CECR2: variants seen among roughly 807,000 people sequenced by gnomAD.
CECR2 encodes chromatin remodeling regulator CECR2.
A neutral mutation model predicts 154.5 loss-of-function variants in CECR2; 30 were observed. The ratio of observed to expected loss-of-function variants is 0.19; its 90% confidence interval spans 0.15 to 0.26. CECR2 has a LOEUF of 0.26. Among genes scored for constraint, CECR2 ranks in the 10% least tolerant of loss-of-function variants. CECR2 has a pLI of 1.00. For missense variants in CECR2, 1,743 were observed against 1,829.3 expected, an observed-to-expected ratio of 0.95 and a Z score of 0.86; for synonymous variants, 725 against 683.7, an observed-to-expected ratio of 1.06 and a Z score of -0.94.
intron 9 of CECR2, among the ~76,000 whole-genome samples, chr22:17,527,044 G>C (rs1299561506): frequency 6.6e-6 from 1 of 152,192 alleles, no homozygotes; most frequent in Non-Finnish European, 1.5e-5. Context: ...CTGCCCAGTT[G>C]ACAAAGGATG....
At chr22:17,519,843 T>C (rs1013756678) in intron 8 of CECR2, among the ~76,000 whole-genome samples, 4 of 150,482 alleles carry the variant, frequency 2.7e-5, no homozygotes, top group African/African-American at 9.8e-5. Flanking sequence ...CAGGCTGGAG[T>C]GCAGTGGCAC....
In CECR2 at chr22:17,544,460, T is replaced by G. The variant is rs1384142118; in HGVS notation, c.2860+1457T>G. ...TTGCAGTGAGCCGAGATTGTGCCAC[T>G]GCACTCCGGCCTGGGCGACAGAGCG... On this transcript the variant is annotated intron_variant, in intron 16 of 18. Coordinates refer to ENST00000262608, the MANE Select transcript of CECR2 (RefSeq NM_001290047.2). Among the ~76,000 whole-genome samples, 3 of 135,596 alleles carry G rather than the reference T, an allele frequency of 2.2e-5. No individual in the cohort carries two copies. In the East Asian group the frequency reaches 6.3e-4, roughly 29 times the overall value. The allele number at this position is 135,596 out of a possible 152,430, so 89.0% of individuals were successfully genotyped here. A position where few individuals can be genotyped will look rare whatever the true frequency, so the allele number is the denominator to read the frequency against.
chr22:17,523,493 A>C (rs1173521888), intron 8 of CECR2, among the ~76,000 whole-genome samples: 1 of 151,882 alleles, frequency 6.6e-6, no homozygotes, highest in East Asian at 1.9e-4. Context: ...ACGGTGGCTC[A>C]CACCTATAAT....
intron 1 of CECR2, among the ~76,000 whole-genome samples, chr22:17,449,459 C>T (rs989988705): frequency 6.6e-6 from 1 of 150,480 alleles, no homozygotes; most frequent in African/African-American, 2.4e-5. Flanking sequence ...TTTTCAGCTC[C>T]GCACATCTAA....
rs2054163944 is a variant in CECR2, at chr22:17,416,919, A to C, written c.126+47010A>C. ...AAGCACCATTGGATACCAAATGTGCACATTTATGATTATTTCCATATAGTA... is the reference window on the plus strand; with the variant it reads ...AAGCACCATTGGATACCAAATGTGCCCATTTATGATTATTTCCATATAGTA... On this transcript the variant is annotated intron_variant, in intron 1 of 18. Transcript: ENST00000262608. Among the ~76,000 whole-genome samples the C allele has an allele frequency of 2.0e-5, 3 of 152,326 alleles. No individual in the cohort carries two copies. The South Asian group carries it at 6.2e-4, about 32-fold the overall frequency.
Position 17,524,165 on chromosome 22 carries a change from G to A in CECR2, c.1002G>A (p.Glu334=). 6.2e-7 allele frequency: 1 copy of A among 1,604,668 alleles called. No homozygotes were observed. The highest frequency in any genetic ancestry group is 8.5e-7 in the Non-Finnish European group (1 of 1,175,624). ...TAGAAAAACAAAAGCGCAAAGAGGA[G>A]GAAGAAGAGCGTCAGATTCTTCTAG... ...TRIEKQKRKE[E]EEERQILLAV... is the part of the protein sequence containing the mutation. Residue 334 remains glutamate (E), a synonymous_variant, in exon 9 of 19, where the codon GAG becomes GAA. Coordinates refer to ENST00000262608, the MANE Select transcript of CECR2 (RefSeq NM_001290047.2).
Position 17,542,967 on chromosome 22 carries a change from G to A in CECR2, c.2824G>A (p.Glu942Lys), listed in dbSNP as rs1212118850. The A allele has an allele frequency of 8.7e-6, 14 of 1,612,728 alleles. No homozygotes were observed. The highest frequency in any genetic ancestry group is 1.2e-5 in the Non-Finnish European group (14 of 1,179,174). The change falls in exon 16 of 19, where the codon GAG (glutamate) becomes AAG (lysine). Residue 942 changes from glutamate to lysine, a missense_variant. Coordinates refer to ENST00000262608, the MANE Select transcript of CECR2 (RefSeq NM_001290047.2). Reference protein sequence around the residue: ...PALGNPGRAPENSEAQEPEND... With the variant: ...PALGNPGRAPKNSEAQEPEND... ...CCTGGGCAACCCTGGGAGGGCACCG[G>A]AGAACAGTGAAGCACAAGAGCCTGA...
intron 1 of CECR2, among the ~76,000 whole-genome samples, chr22:17,447,571 G>A (rs2054694032): frequency 6.7e-6 from 1 of 150,166 alleles, no homozygotes; most frequent in Admixed American, 6.7e-5. Flanking sequence ...TTCATAAATA[G>A]TAATTAATAA....
At chr22:17,367,863 A>G (rs1193828678), upstream of CECR2, among the ~76,000 whole-genome samples, 2 of 152,174 alleles carry the variant, frequency 1.3e-5, no homozygotes, top group Non-Finnish European at 2.9e-5. Flanking sequence ...ACCAACACAC[A>G]CAAACGTAGG....
At chr22:17,433,794 A>G (rs537238292) in intron 1 of CECR2, among the ~76,000 whole-genome samples, 243 of 152,168 alleles carry the variant, frequency 1.6e-3, no homozygotes, top group Non-Finnish European at 3.0e-3. Context: ...AGTTGAATGC[A>G]TTATCAAGGA....
In CECR2 at chr22:17,414,130, G is replaced by A. The variant is rs547996473; in HGVS notation, c.126+44221G>A. Reference sequence around the variant, plus strand: ...TGGGACTACAGGTGCCTGCCACCACGCCTGGCTAATTTTTTGTATTTTTAG... The same window carrying A: ...TGGGACTACAGGTGCCTGCCACCACACCTGGCTAATTTTTTGTATTTTTAG... On this transcript the variant is annotated intron_variant, in intron 1 of 18. Transcript: ENST00000262608. Among the ~76,000 whole-genome samples the A allele has an allele frequency of 9.6e-3, 1,449 of 151,670 alleles. 16 individuals carry two copies. Among genetic ancestry groups the A allele is most frequent in the African/African-American group, 0.033 (1,382 of 41,338 alleles).
rs1219790814 is a variant in CECR2 at position 17,554,620 on chromosome 22, A to T, written c.*1780A>T. The T allele has an allele frequency of 4.6e-5, 7 of 152,204 alleles. No individual in the cohort carries two copies. The highest frequency in any genetic ancestry group is 5.9e-5 in the Non-Finnish European group (4 of 68,040). 9.4% of individuals were successfully genotyped at this position (152,204 alleles called of 1,614,324 possible). A position where few individuals can be genotyped will look rare whatever the true frequency, so the allele number is the denominator to read the frequency against. ...GCTCAGGCAGATTTGAGAGTTGAGT[A>T]GGGAACACAGGTGCCTCTAAGGTAT... On this transcript the variant is annotated 3_prime_UTR_variant, in exon 19 of 19. Transcript: ENST00000262608.
chr22:17,417,711 C>T (rs1165227006), intron 1 of CECR2, among the ~76,000 whole-genome samples: 4 of 152,028 alleles, frequency 2.6e-5, no homozygotes, highest in South Asian at 2.1e-4. Context: ...CTCTGCCTCC[C>T]GGGTTCAAGG....
intron 4 of CECR2, 80 bp from the exon 5 acceptor site, chr22:17,500,551 G>A: frequency 9.6e-6 from 10 of 1,046,922 alleles, no homozygotes; most frequent in Non-Finnish European, 1.4e-5. Context: ...GTAATCTCAT[G>A]GCCAGAAATA....
At chr22:17,431,815 C>T (rs114653696) in intron 1 of CECR2, among the ~76,000 whole-genome samples, 5 of 151,702 alleles carry the variant, frequency 3.3e-5, no homozygotes, top group East Asian at 1.9e-4. Context: ...ATTCACAAAC[C>T]GTACAATTAA....
At chr22:17,487,506 T>C (rs532159351) in intron 2 of CECR2, among the ~76,000 whole-genome samples, 2 of 152,272 alleles carry the variant, frequency 1.3e-5, no homozygotes, top group South Asian at 2.1e-4. Flanking sequence ...GAGACCATCC[T>C]GGCTAACGCG....
Position 17,499,451 on chromosome 22 carries a change from A to G in CECR2, c.447A>G (p.Glu149=). ...ADSLRVEPLG[E]DNSGALYWYF... ...GTCTCCGTGTGGAGCCATTGGGTGA[A>G]GACAATTCTGGGGCACTATATTGGT... The change falls in exon 4 of 19, where the codon GAA becomes GAG. Residue 149 remains glutamate (E), a synonymous_variant. Transcript: ENST00000262608. 2 of 1,613,860 alleles carry G rather than the reference A, an allele frequency of 1.2e-6. No individual in the cohort carries two copies. The highest frequency in any genetic ancestry group is 1.7e-6 in the Non-Finnish European group (2 of 1,179,832).
intron 1 of CECR2, among the ~76,000 whole-genome samples, chr22:17,453,273 C>T (rs1010350903): frequency 6.6e-6 from 1 of 152,144 alleles, no homozygotes; most frequent in Admixed American, 6.5e-5. Flanking sequence ...GAAACCCCGT[C>T]TCTGCTAAAA....
chr22:17,474,091 C>G (rs770005028), intron 1 of CECR2, among the ~76,000 whole-genome samples: 4 of 152,006 alleles, frequency 2.6e-5, no homozygotes, highest in Non-Finnish European at 4.4e-5. Flanking sequence ...AGAGAAAAGG[C>G]TTTACTCTCC....
Sources: allele counts gnomAD v4.1 joint callset (sites outside exome capture counted in the v4.1 genomes callset), GRCh38; gene constraint gnomAD v4.1.1; transcripts MANE v1.5; gene names NCBI Gene and HGNC (gene_info 2026-07-23, HGNC 2026-07-21).